Variants in CCDC171 observed in about 807,000 individuals in gnomAD.
CCDC171 encodes the protein coiled-coil domain-containing protein 171.
CCDC171 carries 177 observed loss-of-function variants against 168.2 expected under a neutral mutation model. The ratio of observed to expected loss-of-function variants is 1.05; its 90% CI spans 0.93 to 1.19. The LOEUF (loss-of-function observed/expected upper bound fraction) is 1.19. Ranked by LOEUF, CCDC171 falls within the 50% of genes most tolerant of loss-of-function variation. The pLI is 0.00. For missense variants in CCDC171, 1,991 were observed against 1,539.0 expected (o/e 1.29, Z -4.91); for synonymous variants, 687 against 540.8 (o/e 1.27, Z -3.75).
chr9:15,807,597 A>G (rs2059138136), intron 21 of CCDC171, among the ~76,000 whole-genome samples: 1 of 151,908 alleles, frequency 6.6e-6, no homozygotes, highest in African/African-American at 2.4e-5. Context: ...AGTCTTGGTG[A>G]TCTCTCTGGA....
intron 25 of CCDC171, among the ~76,000 whole-genome samples, chr9:15,946,930 C>CT (rs1251668317): frequency 6.6e-6 from 1 of 151,982 alleles, no homozygotes; most frequent in East Asian, 2.0e-4. Flanking sequence ...TATATAAACA[C>CT]TTTTTTTCTG....
At chr9:15,600,791 G>T (rs1007295749) in intron 6 of CCDC171, among the ~76,000 whole-genome samples, 1 of 152,134 alleles carries the variant, frequency 6.6e-6, no homozygotes, top group Non-Finnish European at 1.5e-5. Context: ...CACCCATTTC[G>T]AGCTTCCCGG....
At chr9:15,933,667 G>T (rs188124486) in intron 25 of CCDC171, among the ~76,000 whole-genome samples, 5 of 151,990 alleles carry the variant, frequency 3.3e-5, no homozygotes, top group Admixed American at 2.6e-4. Flanking sequence ...GTGTCTCATA[G>T]ATTTTGGTAC....
intron 21 of CCDC171, among the ~76,000 whole-genome samples, chr9:15,820,923 T>C (rs1434185130): frequency 1.7e-5 from 2 of 117,072 alleles, no homozygotes; most frequent in African/African-American, 3.2e-5. Context: ...TGAACATTGA[T>C]GCAAAAATCC....
chr9:15,662,827 CA>C (rs1488579390), intron 8 of CCDC171, among the ~76,000 whole-genome samples: 2 of 151,564 alleles, frequency 1.3e-5, no homozygotes, highest in Admixed American at 6.6e-5. Flanking sequence ...AAAAAAATAC[CA>C]AAATTAGCTG....
the CCDC171 span, among the ~76,000 whole-genome samples, chr9:16,093,215 G>A: frequency 2.6e-5 from 4 of 152,182 alleles, no homozygotes; most frequent in Non-Finnish European, 5.9e-5. Flanking sequence ...AAGCAAATAC[G>A]GAAAACTCAA....
At chr9:15,862,728 G>A (rs755434081) in intron 23 of CCDC171, among the ~76,000 whole-genome samples, 1 of 151,934 alleles carries the variant, frequency 6.6e-6, no homozygotes, top group Non-Finnish European at 1.5e-5. Flanking sequence ...CTTCTATGGG[G>A]CTCTCAAACT....
chr9:15,786,275 G>C (rs2057948659), intron 21 of CCDC171, among the ~76,000 whole-genome samples: 1 of 152,036 alleles, frequency 6.6e-6, no homozygotes, highest in Non-Finnish European at 1.5e-5. Flanking sequence ...AATAGATTGT[G>C]AGCATTCTTG....
chr9:15,930,304 G>GA (rs1826358489), intron 25 of CCDC171, among the ~76,000 whole-genome samples: 1 of 151,092 alleles, frequency 6.6e-6, no homozygotes, highest in African/African-American at 2.4e-5. Context: ...AGCACTTAAT[G>GA]AAAATGAGTA....
chr9:15,558,411 A>G (rs932341259), intron 1 of CCDC171, among the ~76,000 whole-genome samples: 3 of 151,616 alleles, frequency 2.0e-5, no homozygotes, highest in Non-Finnish European at 2.9e-5. Context: ...CAATTTCAGA[A>G]CCTGTTATTG....
chr9:16,002,028 C>A (rs1006316336), intron 3 of CCDC171, among the ~76,000 whole-genome samples: 2 of 151,154 alleles, frequency 1.3e-5, no homozygotes, highest in African/African-American at 4.9e-5. Flanking sequence ...CAGGGTCTCA[C>A]TATGTTGCCC....
chr9:15,801,486 ATTTG>A (rs1300979224), intron 21 of CCDC171, among the ~76,000 whole-genome samples: 1 of 152,036 alleles, frequency 6.6e-6, no homozygotes, highest in Non-Finnish European at 1.5e-5. Context: ...GCTTTAGTGA[ATTTG>A]TTTATCAGTT....
chr9:15,677,925 T>TGTATA (rs2049743945), intron 9 of CCDC171, among the ~76,000 whole-genome samples: 2 of 41,862 alleles, frequency 4.8e-5, no homozygotes, highest in Admixed American at 6.7e-4. Flanking sequence ...TATATATATA[T>TGTATA]AAGAGATGTG....
intron 2 of CCDC171, among the ~76,000 whole-genome samples, chr9:15,567,949 G>A (rs905519721): frequency 6.7e-6 from 1 of 149,434 alleles, no homozygotes; most frequent in East Asian, 1.9e-4. Flanking sequence ...ACCATCCCTG[G>A]CCTTGCATTT....
chr9:15,754,974 A>G (rs546462438), intron 18 of CCDC171, among the ~76,000 whole-genome samples: 6 of 152,312 alleles, frequency 3.9e-5, no homozygotes, highest in Admixed American at 1.3e-4. Context: ...ATATGTAGCT[A>G]TAAATTTTAA....
At chr9:16,081,331 T>G in the CCDC171 span, among the ~76,000 whole-genome samples, 6 of 152,178 alleles carry the variant, frequency 3.9e-5, no homozygotes, top group Non-Finnish European at 2.9e-5. Context: ...CCAAGCCATC[T>G]CCCTTACTGG....
chr9:16,095,191 G>A, the CCDC171 span, among the ~76,000 whole-genome samples: 3 of 152,128 alleles, frequency 2.0e-5, no homozygotes, highest in Admixed American at 6.6e-5. Flanking sequence ...TATAGCATGG[G>A]ATCCCAGTGC....
chr9:15,950,090 A>G (rs1408416954), intron 25 of CCDC171, among the ~76,000 whole-genome samples: 1 of 152,196 alleles, frequency 6.6e-6, no homozygotes, highest in African/African-American at 2.4e-5. Flanking sequence ...GAATAAAAAG[A>G]AATGAGCAAA....
At chr9:15,872,826 ATCT>A (rs1817344276) in intron 23 of CCDC171, among the ~76,000 whole-genome samples, 1 of 152,012 alleles carries the variant, frequency 6.6e-6, no homozygotes, top group Non-Finnish European at 1.5e-5. Context: ...GTTTTCTTTT[ATCT>A]GAGTGCACAT....
Sources: gnomAD v4.1 joint callset for allele counts (sites outside exome capture counted in the v4.1 genomes callset) on GRCh38, gnomAD v4.1.1 for gene constraint, MANE v1.5 for transcripts, NCBI Gene and HGNC (gene_info 2026-07-23, HGNC 2026-07-21) for gene names.